The following PTPRB variants were observed in gnomAD, a reference collection of about 807,000 sequenced individuals.
PTPRB encodes the protein receptor-type tyrosine-protein phosphatase beta.
A neutral mutation model predicts 238.1 loss-of-function variants in PTPRB; 97 were observed. The ratio of observed to expected loss-of-function variants is 0.41; its 90% CI spans 0.35 to 0.48. The LOEUF (loss-of-function observed/expected upper bound fraction) is 0.48, where lower values mean the gene tolerates loss of function less well. Ranked by LOEUF, PTPRB falls within the 20% of genes least tolerant of loss-of-function variation. The pLI is 0.30. For missense variants in PTPRB, 2,292 were observed against 2,681.9 expected, an observed-to-expected ratio of 0.85 and a Z score of 3.21; for synonymous variants, 970 against 995.4, an observed-to-expected ratio of 0.97 and a Z score of 0.48.
At chr12:70,573,203 A>G (rs1293595527) in intron 11 of PTPRB, among the ~76,000 whole-genome samples, 3 of 152,214 alleles carry the variant, frequency 2.0e-5, no homozygotes, top group Non-Finnish European at 2.9e-5. Flanking sequence ...TTTTTAAATA[A>G]TGTTAAAAAC....
intron 28 of PTPRB, 68 bp downstream of exon 28, chr12:70,538,087 G>A: frequency 8.8e-6 from 11 of 1,256,692 alleles, no homozygotes; most frequent in South Asian, 1.4e-5. Flanking sequence ...ACATGGAGGA[G>A]TGGCATCTCC....
chr12:70,624,560 G>A (rs1885091527), intron 2 of PTPRB, among the ~76,000 whole-genome samples: 1 of 152,166 alleles, frequency 6.6e-6, no homozygotes, highest in Admixed American at 6.6e-5. Flanking sequence ...TAATTCTGCA[G>A]TCTTGCTTAA....
At chr12:70,547,236 C>T (rs939429720) in intron 21 of PTPRB, among the ~76,000 whole-genome samples, 1 of 152,032 alleles carries the variant, frequency 6.6e-6, no homozygotes, top group South Asian at 2.1e-4. Context: ...AGATCCATTC[C>T]AAGTCAAAAG....
intron 20 of PTPRB, among the ~76,000 whole-genome samples, chr12:70,553,830 G>C (rs1179869370): frequency 6.6e-6 from 1 of 152,182 alleles, no homozygotes; most frequent in Non-Finnish European, 1.5e-5. Context: ...AAGAAATGTT[G>C]TCTTTAGCAT....
At chr12:70,588,022 G>T (rs1882098459) in intron 8 of PTPRB, among the ~76,000 whole-genome samples, 1 of 151,162 alleles carries the variant, frequency 6.6e-6, no homozygotes, top group African/African-American at 2.4e-5. Flanking sequence ...CTTAAGTGGG[G>T]GAGGTGGAGG....
rs1882163345 is a variant in PTPRB at position 70,588,477 on chromosome 12, T to C, written c.2051-1210A>G. 3.3e-5 allele frequency among the ~76,000 whole-genome samples: 5 copies of C among 150,876 alleles called. No individual in the cohort carries two copies. In the South Asian group the frequency reaches 1.0e-3, roughly 32 times the overall value. On this transcript the variant is annotated intron_variant, in intron 8 of 33. Transcript: ENST00000334414. The stretch of plus-strand genomic sequence containing the variant: ...GGTGAAACCCCATCTCTACTAAAAA[T>C]GCAAAATTAGCCAGGTGTGGTGGCA...
At chr12:70,572,268 G>C (rs563150195) in intron 11 of PTPRB, among the ~76,000 whole-genome samples, 181 bp from the exon 12 acceptor site, 78 of 152,306 alleles carry the variant, frequency 5.1e-4, no homozygotes, top group Non-Finnish European at 1.0e-3. Flanking sequence ...TATGTGGAGT[G>C]ATTAAACGGA....
chr12:70,623,320 G>A (rs1885030252), intron 2 of PTPRB, among the ~76,000 whole-genome samples: 1 of 152,144 alleles, frequency 6.6e-6, no homozygotes, highest in Admixed American at 6.5e-5. Context: ...TTATAGCTTT[G>A]TTTTGCAAGG....
intron 15 of PTPRB, among the ~76,000 whole-genome samples, chr12:70,564,883 AAT>A (rs141999069): frequency 0.068 from 2,372 of 34,882 alleles, 49 homozygotes; most frequent in African/African-American, 0.15. Context: ...TAATAATAAT[AAT>A]AATAAATAGA....
At position 70,572,014 on chromosome 12, in the gene PTPRB, A is replaced by G. The variant is rs1383618399; in HGVS notation, c.2916T>C (p.His972=). The change falls in exon 12 of 34, where the codon CAT becomes CAC. Residue 972 remains histidine, a synonymous_variant. Transcript: ENST00000334414. ...CATAGTGATCAAAGTCTCCAGTGGCATGCACCCAGGATACCCTTAAATAGT... is the reference window on the plus strand; with the variant it reads ...CATAGTGATCAAAGTCTCCAGTGGCGTGCACCCAGGATACCCTTAAATAGT... The part of the protein sequence containing the change: ...RSDYLRVSWV[H]ATGDFDHYEV... The G allele has an allele frequency of 6.2e-7, 1 of 1,613,828 alleles. No individual in the cohort carries two copies. The highest frequency in any genetic ancestry group is 2.2e-5 in the East Asian group (1 of 44,874).
chr12:70,530,701 T>C (rs1873104063), intron 32 of PTPRB, among the ~76,000 whole-genome samples: 1 of 152,208 alleles, frequency 6.6e-6, no homozygotes, highest in African/African-American at 2.4e-5. Context: ...TTTGGGTACA[T>C]GGAAACTCAC....
chr12:70,559,827 T>A (rs1269915894), intron 17 of PTPRB, among the ~76,000 whole-genome samples: 1 of 137,546 alleles, frequency 7.3e-6, no homozygotes, highest in Non-Finnish European at 1.6e-5. Flanking sequence ...GTACTTTTTT[T>A]TTTTTTTTTT....
intron 10 of PTPRB, among the ~76,000 whole-genome samples, chr12:70,579,663 C>T (rs1411953197): frequency 2.8e-5 from 4 of 143,776 alleles, no homozygotes; most frequent in Non-Finnish European, 4.5e-5. Context: ...TGCCACTGCA[C>T]TCCAGCCTGG....
At chr12:70,538,613 C>A (rs939408731) in intron 27 of PTPRB, 1 of 455,370 alleles carries the variant, frequency 2.2e-6, no homozygotes, top group Non-Finnish European at 3.9e-6. Flanking sequence ...CTAAGCAAAC[C>A]CAGGTCTGCT....
Position 70,521,483 on chromosome 12 carries a change from A to G in PTPRB, c.*6T>C, listed in dbSNP as rs17108283. The G allele has an allele frequency of 6.1e-3, 9,413 of 1,541,374 alleles. 499 individuals are homozygous for G. In the African/African-American group the frequency reaches 0.11, roughly 18 times the overall value. On this transcript the variant is annotated 3_prime_UTR_variant, in exon 34 of 34. Transcript: ENST00000334414. ...ATTTTTATCCAGGAGCTCTTCAGGT[A>G]CATTCTCAATGCCTTGAATAGACTG...
At chr12:70,540,128 C>A (rs75022865) in intron 23 of PTPRB, 106 bp from the exon 24 acceptor site, 42,260 of 972,604 alleles carry the variant, frequency 0.043, 1,144 homozygotes, top group Non-Finnish European at 0.051. Context: ...ATGGATTTTT[C>A]AGTATTCATA....
At chr12:70,630,704 T>G (rs1036179701) in intron 2 of PTPRB, among the ~76,000 whole-genome samples, 7 of 152,236 alleles carry the variant, frequency 4.6e-5, no homozygotes, top group Non-Finnish European at 4.4e-5. Context: ...ATTTTGGATC[T>G]CCTTAAGCTG....
At chr12:70,627,218 G>A (rs1313364893) in intron 2 of PTPRB, among the ~76,000 whole-genome samples, 2 of 152,142 alleles carry the variant, frequency 1.3e-5, no homozygotes, top group Admixed American at 6.5e-5. Flanking sequence ...ATGCTGGGTG[G>A]AGGAGGAAGA....
chr12:70,573,019 T>TAC (rs1263052042), intron 11 of PTPRB, among the ~76,000 whole-genome samples: 1 of 151,704 alleles, frequency 6.6e-6, no homozygotes, highest in African/African-American at 2.4e-5. Flanking sequence ...TATACACACA[T>TAC]ACACACACAC....
Sources: allele counts gnomAD v4.1 joint callset (sites outside exome capture counted in the v4.1 genomes callset), GRCh38; gene constraint gnomAD v4.1.1; transcripts MANE v1.5; gene names NCBI Gene and HGNC (gene_info 2026-07-23, HGNC 2026-07-21).